RAB3IP: variants seen among roughly 807,000 people sequenced by gnomAD.
RAB3IP encodes rab-3A-interacting protein.
In RAB3IP, 36 loss-of-function variants were observed where a neutral mutation model predicts 59.1. The observed-to-expected ratio is 0.61, with a 90% CI of 0.47 to 0.80. The LOEUF (loss-of-function observed/expected upper bound fraction) is 0.80, where lower values mean the gene tolerates loss of function less well. Ranked by LOEUF, RAB3IP falls within the 30% of genes least tolerant of loss-of-function variation. RAB3IP has a pLI of 0.00. For synonymous variants in RAB3IP, 207 were observed against 191.2 expected (o/e 1.08, Z -0.68); for missense variants, 511 against 536.0 (o/e 0.95, Z 0.46).
chr12:69,803,343 T>C (rs10784790), intron 8 of RAB3IP, among the ~76,000 whole-genome samples: 135,652 of 152,056 alleles, frequency 0.89, 60,649 homozygotes, highest in Admixed American at 0.93. Flanking sequence ...AAGTGTGGCT[T>C]TGGCCGTGGT....
rs906103819 is a variant in RAB3IP, at chr12:69,820,452, C to G, written c.*5006C>G. The G allele has an allele frequency of 6.6e-6, 1 of 151,688 alleles. No homozygotes were observed. The highest frequency in any genetic ancestry group is 1.5e-5 in the Non-Finnish European group (1 of 68,030). The allele number at this position is 151,688 out of a possible 1,614,324, so 9.4% of individuals were successfully genotyped here. A position where few individuals can be genotyped will look rare whatever the true frequency, so the allele number is the denominator to read the frequency against. On this transcript the variant is annotated 3_prime_UTR_variant, in exon 11 of 11. Transcript: ENST00000247833. ...TGTCCTTGCATCCACTCCTGCCCTC[C>G]TACAATCACTGACGGCAGCCGCAGG... is the stretch of plus-strand genomic sequence containing the variant.
At chr12:69,808,325 T>G (rs1316690306) in intron 8 of RAB3IP, among the ~76,000 whole-genome samples, 2 of 152,208 alleles carry the variant, frequency 1.3e-5, no homozygotes, top group African/African-American at 4.8e-5. Flanking sequence ...GTGGTCAACT[T>G]TGGAATAGGT....
intron 3 of RAB3IP, among the ~76,000 whole-genome samples, chr12:69,758,756 C>CTTTTTTTTTTTTTTTTTTTTT (rs71437121): frequency 2.1e-5 from 1 of 48,228 alleles, no homozygotes; most frequent in African/African-American, 7.8e-5. Flanking sequence ...GTGTTCATTC[C>CTTTTTTTTTTTTTTTTTTTTT]TTTTTTTTTT....
chr12:69,767,664 G>A (rs568657712), intron 3 of RAB3IP, among the ~76,000 whole-genome samples: 21 of 151,934 alleles, frequency 1.4e-4, no homozygotes, highest in East Asian at 3.9e-4. Flanking sequence ...CTGCCTGGGC[G>A]TGGAGCAGAG....
At chr12:69,754,985 A>G (rs1486064451) in intron 1 of RAB3IP, among the ~76,000 whole-genome samples, 1 of 152,160 alleles carries the variant, frequency 6.6e-6, no homozygotes, top group Non-Finnish European at 1.5e-5. Context: ...ATTGCTTATC[A>G]CTTTCAGGTT....
chr12:69,770,988 C>T (rs187019842), intron 3 of RAB3IP, among the ~76,000 whole-genome samples: 15 of 152,266 alleles, frequency 9.9e-5, no homozygotes, highest in South Asian at 6.2e-4. Context: ...ATCTGTTTTA[C>T]CAACCTCTCC....
chr12:69,766,849 T>C (rs1872292776), intron 3 of RAB3IP, among the ~76,000 whole-genome samples: 1 of 152,196 alleles, frequency 6.6e-6, no homozygotes, highest in Non-Finnish European at 1.5e-5. Flanking sequence ...TTCTTTTGAA[T>C]ATGTTTATTT....
chr12:69,780,105 A>G (rs1244236569), intron 3 of RAB3IP, among the ~76,000 whole-genome samples: 1 of 152,180 alleles, frequency 6.6e-6, no homozygotes, highest in East Asian at 1.9e-4. Flanking sequence ...TCCAGCCAGG[A>G]TATACCTAAT....
At position 69,801,662 on chromosome 12, in the gene RAB3IP, A is replaced by G. The variant is rs745726721; in HGVS notation, c.1071A>G (p.Pro357=). The G allele has an allele frequency of 6.2e-7, 1 of 1,613,202 alleles. No homozygotes were observed. Among genetic ancestry groups the G allele is most frequent in the South Asian group, 1.1e-5 (1 of 91,040 alleles). ...AVENNTLSIE[P]VGLQPIRFVK... ...AAAACAATACTCTAAGCATTGAACC[A>G]GTGGGATTACAACCTATCCGGTTTG... Residue 357 remains proline, a synonymous_variant, in exon 8 of 11, where the codon CCA becomes CCG. Transcript: ENST00000247833.
chr12:69,753,853 G>A (rs1869733137), intron 1 of RAB3IP, among the ~76,000 whole-genome samples: 1 of 152,058 alleles, frequency 6.6e-6, no homozygotes, highest in Non-Finnish European at 1.5e-5. Context: ...ATTCTTCAGA[G>A]GAAAAACTTG....
chr12:69,793,341 G>A (rs770438521), intron 4 of RAB3IP, among the ~76,000 whole-genome samples: 4 of 152,024 alleles, frequency 2.6e-5, no homozygotes, highest in Admixed American at 1.3e-4. Flanking sequence ...ATGAACAAAC[G>A]GGAAACAAAC....
chr12:69,807,824 C>T (rs1879704329), intron 8 of RAB3IP, among the ~76,000 whole-genome samples: 1 of 146,916 alleles, frequency 6.8e-6, no homozygotes, highest in African/African-American at 2.5e-5. Context: ...TCCTCACCTC[C>T]CAGACGGGGC....
intron 8 of RAB3IP, among the ~76,000 whole-genome samples, chr12:69,806,031 T>A (rs900905401): frequency 3.3e-5 from 5 of 152,354 alleles, no homozygotes; most frequent in Admixed American, 6.5e-5. Flanking sequence ...TAGGGAGGAT[T>A]CCCTCTTTTT....
At chr12:69,759,010 T>C (rs972093442) in intron 3 of RAB3IP, among the ~76,000 whole-genome samples, 12 of 150,882 alleles carry the variant, frequency 8.0e-5, no homozygotes, top group Admixed American at 4.6e-4. Flanking sequence ...TTTTAATTGA[T>C]CATTCTTGGG....
intron 3 of RAB3IP, among the ~76,000 whole-genome samples, chr12:69,760,441 A>G (rs959158090): frequency 2.0e-5 from 3 of 152,066 alleles, no homozygotes; most frequent in Admixed American, 6.5e-5. Flanking sequence ...GGAGAGGGAG[A>G]GCCTCCAACT....
chr12:69,807,421 G>GAA (rs1359778734), intron 8 of RAB3IP, among the ~76,000 whole-genome samples: 3 of 146,226 alleles, frequency 2.1e-5, no homozygotes, highest in East Asian at 2.1e-4. Context: ...CCTCCCAGAC[G>GAA]GGGCGGCCGG....
At chr12:69,739,992 A>C (rs1887146554) in intron 1 of RAB3IP, 1 of 851,628 alleles carries the variant, frequency 1.2e-6, no homozygotes, top group South Asian at 1.5e-5. Context: ...TTTCACCCCA[A>C]CTCCTTCCGT....
chr12:69,746,392 A>T (rs992794222), intron 1 of RAB3IP, among the ~76,000 whole-genome samples: 2 of 152,068 alleles, frequency 1.3e-5, no homozygotes, highest in African/African-American at 4.8e-5. Flanking sequence ...TGACTGTCCT[A>T]TCCTATTCCC....
At chr12:69,784,983 G>C (rs1280429463) in intron 4 of RAB3IP, 168 bp downstream of exon 4, 2 of 369,668 alleles carry the variant, frequency 5.4e-6, no homozygotes, top group Non-Finnish European at 9.8e-6. Context: ...AACTTAAGAT[G>C]ATGTGAAAAG....
Sources: allele counts gnomAD v4.1 joint callset (sites outside exome capture counted in the v4.1 genomes callset), GRCh38; gene constraint gnomAD v4.1.1; transcripts MANE v1.5; gene names NCBI Gene and HGNC (gene_info 2026-07-23, HGNC 2026-07-21).